NRXN3: variants seen among roughly 807,000 people sequenced by gnomAD.
The protein encoded by NRXN3 is neurexin 3.
In NRXN3, 32 loss-of-function variants were observed where a neutral mutation model predicts 137.6. The observed-to-expected ratio is 0.23, with a 90% CI of 0.18 to 0.31. The LOEUF is 0.31. Ranked by LOEUF, NRXN3 falls within the 10% of genes least tolerant of loss-of-function variation. The pLI, the probability that NRXN3 is intolerant of heterozygous loss-of-function variation, is 1.00. For synonymous variants in NRXN3, 798 were observed against 784.5 expected, an observed-to-expected ratio of 1.02 and a Z score of -0.29; for missense variants, 1,574 against 2,062.5, an observed-to-expected ratio of 0.76 and a Z score of 4.59.
At chr14:78,578,854 G>T (rs1487454102) in intron 4 of NRXN3, among the ~76,000 whole-genome samples, 4 of 152,036 alleles carry the variant, frequency 2.6e-5, no homozygotes, top group Non-Finnish European at 5.9e-5. Flanking sequence ...AGAGGAGTGG[G>T]AATCTCAGCC....
chr14:78,466,457 C>T (rs900851767), intron 4 of NRXN3, among the ~76,000 whole-genome samples: 4 of 152,046 alleles, frequency 2.6e-5, no homozygotes, highest in Non-Finnish European at 2.9e-5. Flanking sequence ...CATTCCTAGG[C>T]GTGAAGGGAT....
At chr14:78,579,580 A>G (rs1189055273) in intron 4 of NRXN3, among the ~76,000 whole-genome samples, 1 of 151,616 alleles carries the variant, frequency 6.6e-6, no homozygotes, top group East Asian at 1.9e-4. Context: ...GGCAAGCTGG[A>G]GGCACGTGGT....
chr14:79,359,886 C>A (rs1304395788), intron 15 of NRXN3, among the ~76,000 whole-genome samples: 2 of 152,122 alleles, frequency 1.3e-5, no homozygotes, highest in East Asian at 3.9e-4. Flanking sequence ...CAGAGCAGAA[C>A]AATGGGAAAA....
chr14:79,295,081 G>C (rs2083833305), intron 15 of NRXN3, among the ~76,000 whole-genome samples: 1 of 152,032 alleles, frequency 6.6e-6, no homozygotes, highest in Non-Finnish European at 1.5e-5. Context: ...CAGAACAAAG[G>C]CTGGCCCCTT....
chr14:78,505,619 C>T (rs190177331), intron 4 of NRXN3, among the ~76,000 whole-genome samples: 4 of 152,126 alleles, frequency 2.6e-5, no homozygotes, highest in East Asian at 3.9e-4. Flanking sequence ...GCATTGTATA[C>T]GTGTCAAAAG....
intron 15 of NRXN3, among the ~76,000 whole-genome samples, chr14:79,385,560 A>G (rs537399317): frequency 1.1e-4 from 16 of 152,246 alleles, no homozygotes; most frequent in Admixed American, 8.5e-4. Flanking sequence ...AGTTAAATGT[A>G]ATCCTCAGTG....
At chr14:78,357,699 T>G (rs181775044) in intron 4 of NRXN3, among the ~76,000 whole-genome samples, 1 of 152,338 alleles carries the variant, frequency 6.6e-6, no homozygotes, top group Admixed American at 6.5e-5. Flanking sequence ...TAGGTGATTT[T>G]AATCATTTCA....
chr14:79,315,164 G>T (rs1281420640), intron 15 of NRXN3, among the ~76,000 whole-genome samples: 3 of 152,122 alleles, frequency 2.0e-5, no homozygotes, highest in Non-Finnish European at 4.4e-5. Context: ...CTGTGATGGA[G>T]AATAGCCATT....
chr14:79,100,875 G>T (rs1161955108), intron 15 of NRXN3, among the ~76,000 whole-genome samples: 2 of 152,000 alleles, frequency 1.3e-5, no homozygotes, highest in East Asian at 3.9e-4. Flanking sequence ...GTTGTTTCTT[G>T]CTCCCAGGGA....
chr14:79,127,768 G>A (rs1432747885), intron 15 of NRXN3, among the ~76,000 whole-genome samples: 9 of 152,290 alleles, frequency 5.9e-5, no homozygotes, highest in African/African-American at 1.9e-4. Flanking sequence ...ACCTTGGGCA[G>A]TATGGCCATT....
intron 4 of NRXN3, among the ~76,000 whole-genome samples, chr14:78,479,757 G>A (rs2153737326): frequency 6.6e-6 from 1 of 152,238 alleles, no homozygotes; most frequent in Admixed American, 6.5e-5. Context: ...GAAGGTTTTT[G>A]TAATTATTTT....
chr14:79,855,652 C>T (rs1249020007), intron 20 of NRXN3, among the ~76,000 whole-genome samples: 2 of 151,898 alleles, frequency 1.3e-5, no homozygotes, highest in South Asian at 2.1e-4. Context: ...AATTATACTT[C>T]TACTTTAGCA....
At chr14:78,678,032 C>T (rs1174158410) in intron 6 of NRXN3, among the ~76,000 whole-genome samples, 1 of 151,980 alleles carries the variant, frequency 6.6e-6, no homozygotes, top group Non-Finnish European at 1.5e-5. Context: ...TTTGTATGCA[C>T]CAGGAAATGA....
chr14:79,059,240 A>G (rs1193564664), intron 15 of NRXN3, among the ~76,000 whole-genome samples: 1 of 128,942 alleles, frequency 7.8e-6, no homozygotes, highest in African/African-American at 2.8e-5. Flanking sequence ...GGCTGCCTTC[A>G]GGCCCTATTC....
chr14:79,257,511 G>A (rs1597931939), intron 15 of NRXN3, among the ~76,000 whole-genome samples: 1 of 22,714 alleles, frequency 4.4e-5, no homozygotes, highest in African/African-American at 2.0e-4. Context: ...GGTGGTGGTA[G>A]TGATGGTGGT....
At chr14:79,685,868 C>T (rs149496449) in intron 17 of NRXN3, among the ~76,000 whole-genome samples, 1 of 152,128 alleles carries the variant, frequency 6.6e-6, no homozygotes, top group Non-Finnish European at 1.5e-5. Context: ...AACATGTATG[C>T]ACAAAACATG....
chr14:78,391,548 G>T (rs187364246), intron 4 of NRXN3, among the ~76,000 whole-genome samples: 26 of 152,154 alleles, frequency 1.7e-4, no homozygotes, highest in Non-Finnish European at 1.5e-5. Flanking sequence ...GCATATCTCA[G>T]TGGGACATGC....
At chr14:78,352,614 G>A (rs959036642) in intron 4 of NRXN3, among the ~76,000 whole-genome samples, 10 of 152,130 alleles carry the variant, frequency 6.6e-5, no homozygotes, top group African/African-American at 2.2e-4. Context: ...GGCTTTGTGC[G>A]GACATCAGGG....
intron 10 of NRXN3, among the ~76,000 whole-genome samples, chr14:78,910,602 C>A (rs979697208): frequency 6.6e-6 from 1 of 152,056 alleles, no homozygotes; most frequent in Admixed American, 6.6e-5. Flanking sequence ...AAAAGCCTCC[C>A]TGACTGCTGG....
Sources: allele counts gnomAD v4.1 joint callset (sites outside exome capture counted in the v4.1 genomes callset), GRCh38; gene constraint gnomAD v4.1.1; transcripts MANE v1.5; gene names NCBI Gene and HGNC (gene_info 2026-07-23, HGNC 2026-07-21).